SNED1: variants seen among roughly 807,000 people sequenced by gnomAD.
SNED1 encodes the protein sushi, nidogen and EGF-like domain-containing protein 1.
In SNED1, 81 loss-of-function variants were observed where a neutral mutation model predicts 166.7. That is an observed-to-expected ratio of 0.49 (90% CI 0.41 to 0.58). SNED1 has a LOEUF of 0.58. SNED1 is among the 20% of genes least tolerant of loss of function. The probability of loss-of-function intolerance (pLI) is 0.00; values close to 1 mark genes in which losing one functional copy is unlikely to be tolerated. For missense variants in SNED1, 1,604 were observed against 2,000.2 expected (o/e 0.80, Z 3.78); for synonymous variants, 762 against 822.0 (o/e 0.93, Z 1.25).
At chr2:241,047,515 T>C (rs2061684951) in intron 8 of SNED1, among the ~76,000 whole-genome samples, 1 of 152,208 alleles carries the variant, frequency 6.6e-6, no homozygotes. Context: ...ACTCACGTTA[T>C]TCTCAAGTGC....
At chr2:241,046,123 A>G (rs1220946631) in intron 8 of SNED1, among the ~76,000 whole-genome samples, 2 of 152,246 alleles carry the variant, frequency 1.3e-5, no homozygotes, top group African/African-American at 4.8e-5. Flanking sequence ...AGGAATCACA[A>G]CAAACTCATT....
intron 11 of SNED1, among the ~76,000 whole-genome samples, 164 bp downstream of exon 11, chr2:241,049,299 G>C (rs1031529838): frequency 6.6e-6 from 1 of 152,200 alleles, no homozygotes; most frequent in Admixed American, 6.5e-5. Context: ...TGTAATATGG[G>C]GCTAGACATC....
At chr2:241,086,572 C>G (rs1006151898) in intron 29 of SNED1, among the ~76,000 whole-genome samples, 1 of 152,232 alleles carries the variant, frequency 6.6e-6, no homozygotes, top group Non-Finnish European at 1.5e-5. Context: ...TTTCTAACAT[C>G]TGACATACAG....
chr2:241,064,138 G>A lies in SNED1; in HGVS notation c.2599+13G>A. 1.3e-6 allele frequency: 2 copies of A among 1,495,276 alleles called. No individual in the cohort carries two copies. The highest frequency in any genetic ancestry group is 2.5e-5 in the East Asian group (1 of 40,138). 92.6% of individuals were successfully genotyped at this position (1,495,276 alleles called of 1,614,324 possible). A position where few individuals can be genotyped will look rare whatever the true frequency, so the allele number is the denominator to read the frequency against. ...CACTGCGAGACAGGTAGGGCGGCAGGCCTGCCTGCTCCCCGCCCTCTGCCC... is the reference window on the plus strand; with the variant it reads ...CACTGCGAGACAGGTAGGGCGGCAGACCTGCCTGCTCCCCGCCCTCTGCCC... On this transcript the variant is annotated intron_variant, in intron 19 of 31. Coordinates refer to ENST00000310397, the MANE Select transcript of SNED1 (RefSeq NM_001080437.3). The surrounding 1 kb of genome is among the most constrained non-coding windows in gnomAD (Gnocchi z 7.0).
At chr2:241,004,266 T>A (rs2106536603) in intron 1 of SNED1, among the ~76,000 whole-genome samples, 1 of 152,396 alleles carries the variant, frequency 6.6e-6, no homozygotes, top group South Asian at 2.1e-4. Context: ...CACACCTTAA[T>A]GACTGTGGCC....
chr2:241,087,037 G>A (rs2063616333), intron 29 of SNED1: 1 of 194,394 alleles, frequency 5.1e-6, no homozygotes, highest in South Asian at 1.7e-4. Context: ...AAACAGAAAA[G>A]CGAGGCCATA....
chr2:241,007,449 G>A (rs1336010278), intron 1 of SNED1, among the ~76,000 whole-genome samples: 6 of 152,176 alleles, frequency 3.9e-5, no homozygotes, highest in African/African-American at 9.7e-5. Flanking sequence ...GCAGCAATGC[G>A]TCTTTTTTTA....
intron 2 of SNED1, among the ~76,000 whole-genome samples, chr2:241,031,992 G>A (rs2061187615): frequency 6.6e-6 from 1 of 152,184 alleles, no homozygotes; most frequent in African/African-American, 2.4e-5. Context: ...GCATGATCCT[G>A]TCCTGGTACA....
intron 31 of SNED1, chr2:241,090,443 G>A (rs1377241890): frequency 9.7e-6 from 15 of 1,540,138 alleles, no homozygotes; most frequent in East Asian, 2.5e-5. Context: ...AGTAGAAGGA[G>A]TACACTCTAA....
At chr2:241,052,809 C>G (rs1261310297) in intron 15 of SNED1, among the ~76,000 whole-genome samples, 48 of 136,664 alleles carry the variant, frequency 3.5e-4, no homozygotes, top group Non-Finnish European at 6.4e-4. Context: ...CTGGGGGGCC[C>G]AAGCAGGGTA....
chr2:241,005,616 C>T (rs1348278199), intron 1 of SNED1, among the ~76,000 whole-genome samples: 2 of 152,096 alleles, frequency 1.3e-5, no homozygotes, highest in African/African-American at 4.8e-5. Context: ...ATCTGAAAAT[C>T]TCTTTATCTT....
At chr2:240,998,065 C>T (rs909187081), upstream of SNED1, among the ~76,000 whole-genome samples, 1 of 152,254 alleles carries the variant, frequency 6.6e-6, no homozygotes, top group Non-Finnish European at 1.5e-5. Context: ...GGGGTCGCCC[C>T]GAGGTCCCGA....
chr2:241,027,269 T>TA (rs1199720237), intron 1 of SNED1, among the ~76,000 whole-genome samples: 1 of 152,102 alleles, frequency 6.6e-6, no homozygotes, highest in Non-Finnish European at 1.5e-5. Context: ...TTAGTAGAAA[T>TA]AGAGTTTTGC....
chr2:240,998,110 G>C (rs1472821956), upstream of SNED1, among the ~76,000 whole-genome samples: 1 of 152,278 alleles, frequency 6.6e-6, no homozygotes, highest in East Asian at 1.9e-4. Context: ...CGGCCACGCA[G>C]ATGCAAACAC....
chr2:241,079,062 C>G (rs1478102205), intron 27 of SNED1, among the ~76,000 whole-genome samples: 3 of 142,618 alleles, frequency 2.1e-5, no homozygotes, highest in Non-Finnish European at 3.0e-5. Context: ...TGCAGCGAGC[C>G]GAGATCGCAC....
At position 241,071,868 on chromosome 2, in the gene SNED1, C is replaced by A; in HGVS notation, c.3807C>A (p.Thr1269=). The change falls in exon 26 of 32, where the codon ACC becomes ACA. Residue 1269 remains threonine (T), a synonymous_variant. Transcript: ENST00000310397. The stretch of plus-strand genomic sequence containing the variant: ...GTGGCTCACCCAGCAAAGCAGCCAC[C>A]GTGAGATCACGTGAGTGCCAGGGCC... ...RFGGSPSKAA[T]VRSQPTASAQ... is the part of the protein sequence containing the mutation. 1.9e-6 allele frequency: 3 copies of A among 1,600,552 alleles called. No individual in the cohort carries two copies. Among genetic ancestry groups the A allele is most frequent in the Non-Finnish European group, 2.6e-6 (3 of 1,174,278 alleles).
chr2:241,085,375 C>T (rs978162731), intron 29 of SNED1, among the ~76,000 whole-genome samples: 8 of 152,168 alleles, frequency 5.3e-5, no homozygotes, highest in Admixed American at 2.0e-4. Context: ...TACCATTAAT[C>T]CTGTTCAACA....
chr2:241,057,761 TA>T (rs2062105483), intron 16 of SNED1, among the ~76,000 whole-genome samples: 1 of 151,992 alleles, frequency 6.6e-6, no homozygotes, highest in Admixed American at 6.6e-5. Context: ...TGTGAGACCA[TA>T]AAAAAATATA....
At position 241,094,187 on chromosome 2, in the gene SNED1, G is replaced by A; in HGVS notation, c.*2551G>A. 2.5e-6 allele frequency: 1 copy of A among 397,540 alleles called. No individual in the cohort carries two copies. The highest frequency in any genetic ancestry group is 5.2e-6 in the Non-Finnish European group (1 of 192,248). 24.6% of individuals were successfully genotyped at this position (397,540 alleles called of 1,614,324 possible). On this transcript the variant is annotated 3_prime_UTR_variant, in exon 32 of 32. Coordinates refer to ENST00000310397, the MANE Select transcript of SNED1 (RefSeq NM_001080437.3). The surrounding 1 kb of genome is among the most constrained non-coding windows in gnomAD (Gnocchi z 4.3). ...CCCTTTTCCCCATTGCGTGTGGGCT[G>A]CCAGGTACAAGTAAGGGAATCTTTG... is the stretch of plus-strand genomic sequence containing the variant.
Sources: allele counts gnomAD v4.1 joint callset (sites outside exome capture counted in the v4.1 genomes callset), GRCh38; gene constraint gnomAD v4.1.1; non-coding constraint Gnocchi (gnomAD v3.1); transcripts MANE v1.5; gene names NCBI Gene and HGNC (gene_info 2026-07-23, HGNC 2026-07-21).